The following ANAPC5 variants were observed in gnomAD, a reference collection of about 807,000 sequenced individuals.
ANAPC5 encodes the protein anaphase promoting complex subunit 5.
Under a neutral mutation model 91.3 loss-of-function variants are expected in ANAPC5, and 60 were observed. The ratio of observed to expected loss-of-function variants is 0.66; its 90% CI spans 0.53 to 0.81. The LOEUF (loss-of-function observed/expected upper bound fraction) is 0.81. Ranked by LOEUF, ANAPC5 falls within the 40% of genes least tolerant of loss-of-function variation. The probability of loss-of-function intolerance (pLI) is 0.00; values close to 1 mark genes in which losing one functional copy is unlikely to be tolerated. For synonymous variants in ANAPC5, 340 were observed against 364.1 expected (o/e 0.93, Z 0.75); for missense variants, 690 against 931.5 (o/e 0.74, Z 3.37).
chr12:121,345,749 G>A, intron 4 of ANAPC5, 90 bp downstream of exon 4: 1 of 1,319,714 alleles, frequency 7.6e-7, no homozygotes, highest in Non-Finnish European at 1.1e-6. Flanking sequence ...GCATAAGCCA[G>A]CACGTGAATT....
rs1363622180 is a variant in ANAPC5 at position 121,352,172 on chromosome 12, G to A, written c.169C>T (p.Arg57Trp). ...AGGAGCAGCTGGTTGAGCCTCCGCC[G>A]CTCCATGAGGCTGACGGCGCCCTCG... ...TGEGAVSLME[R>W]RRLNQLLLPL... The change falls in exon 1 of 17, where the codon CGG becomes TGG. Residue 57 changes from arginine (R) to tryptophan (W), a missense_variant. Coordinates refer to ENST00000261819, the MANE Select transcript of ANAPC5 (RefSeq NM_016237.5). 8 of 1,612,338 alleles carry A rather than the reference G, an allele frequency of 5.0e-6. No homozygotes were observed. Among genetic ancestry groups the A allele is most frequent in the Non-Finnish European group, 6.8e-6 (8 of 1,178,810 alleles).
At chr12:121,347,654 C>T (rs1903722761) in intron 2 of ANAPC5, 148 bp downstream of exon 2, 1 of 632,446 alleles carries the variant, frequency 1.6e-6, no homozygotes, top group African/African-American at 1.9e-5. Context: ...ATCCATTTTT[C>T]AACAAAACAG....
chr12:121,308,696 C>A lies in ANAPC5; in HGVS notation c.2057-5G>T, dbSNP rs770207933. On this transcript the variant is annotated splice_region_variant and splice_polypyrimidine_tract_variant and intron_variant, in intron 16 of 16. Transcript: ENST00000261819. ...TCTCGATGGCAGCCTCCAGAGCTGA[C>A]GGAAAGGGGAAAATAACACACACAT... 6.8e-6 allele frequency: 11 copies of A among 1,612,890 alleles called. No homozygotes were observed. Among genetic ancestry groups the A allele is most frequent in the Non-Finnish European group, 9.3e-6 (11 of 1,178,946 alleles).
At position 121,345,880 on chromosome 12, in the gene ANAPC5, A is replaced by G. The variant is rs782777339; in HGVS notation, c.549T>C (p.Gly183=). Residue 183 remains glycine, a synonymous_variant, in exon 4 of 17, where the codon GGT becomes GGC. Transcript: ENST00000261819. ...ADMELTSRDE[G]ERKMEKEELD... ...GTTCTTCTTTTTCCATTTTTCTTTC[A>G]CCCTCATCTCTACTGGTCAGTTCCA... 1 of 1,613,174 alleles carries G rather than the reference A, an allele frequency of 6.2e-7. No homozygotes were observed. The highest frequency in any genetic ancestry group is 2.2e-5 in the East Asian group (1 of 44,842).
At chr12:121,348,875 C>T (rs1903773927) in intron 1 of ANAPC5, among the ~76,000 whole-genome samples, 2 of 152,296 alleles carry the variant, frequency 1.3e-5, no homozygotes, top group South Asian at 2.1e-4. Flanking sequence ...TGAAGAAAAA[C>T]TGAAAGGAGC....
At chr12:121,328,782 T>G in intron 9 of ANAPC5, 1 of 295,408 alleles carries the variant, frequency 3.4e-6, no homozygotes, top group Non-Finnish European at 6.4e-6. Context: ...CTGTGTGACT[T>G]AGGGCCAGTC....
chr12:121,317,253 CTT>C lies in ANAPC5; in HGVS notation c.1893+1022_1893+1023del, dbSNP rs763895505. Among the ~76,000 whole-genome samples, 1,408 of 140,886 alleles carry C rather than the reference CTT, an allele frequency of 1.0e-2. 21 individuals carry two copies. Among genetic ancestry groups the C allele is most frequent in the African/African-American group, 0.034 (1,294 of 38,468 alleles). The allele number at this position is 140,886 out of a possible 152,430, so 92.4% of individuals were successfully genotyped here. On this transcript the variant is annotated intron_variant, in intron 15 of 16. Coordinates refer to ENST00000261819, the MANE Select transcript of ANAPC5 (RefSeq NM_016237.5). ...AAAGTGGTAAATCTTGTGTTACATA[CTT>C]TTTTTTTTTTTTTTTGAGATGGAGT...
chr12:121,325,330 GC>G (rs1309298626), intron 11 of ANAPC5, among the ~76,000 whole-genome samples: 1 of 152,060 alleles, frequency 6.6e-6, no homozygotes, highest in Non-Finnish European at 1.5e-5. Flanking sequence ...GGGAGTAGTG[GC>G]ACACACCTGT....
intron 1 of ANAPC5, among the ~76,000 whole-genome samples, chr12:121,350,084 G>A (rs1903825302): frequency 1.3e-5 from 2 of 152,058 alleles, no homozygotes; most frequent in Admixed American, 6.6e-5. Flanking sequence ...GACGTGGCTA[G>A]CCCTGGGAGC....
At chr12:121,346,542 T>C (rs139209777) in intron 3 of ANAPC5, 4 of 195,638 alleles carry the variant, frequency 2.0e-5, no homozygotes, top group Non-Finnish European at 4.1e-5. Flanking sequence ...TTGCATACTA[T>C]ATCAATAATG....
chr12:121,316,732 CAAAAAAAA>C (rs35989752), intron 15 of ANAPC5, among the ~76,000 whole-genome samples: 6 of 28,972 alleles, frequency 2.1e-4, no homozygotes, highest in Non-Finnish European at 4.1e-4. Context: ...GACTCTGTCT[CAAAAAAAA>C]AAAAAAAAAA....
At position 121,342,205 on chromosome 12, in the gene ANAPC5, A is replaced by G; in HGVS notation, c.591-136T>C. ...CTCTCCTCAGAACTAGGAAAGAAAA[A>G]CATAAAAAGTGATGTTGAGATCAAT... On this transcript the variant is annotated intron_variant, in intron 4 of 16. Transcript: ENST00000261819. This position sits in a 1 kb window ranked among gnomAD's most constrained non-coding sequence, Gnocchi z 4.1. 2 of 638,664 alleles carry G rather than the reference A, an allele frequency of 3.1e-6. No individual in the cohort carries two copies. Among genetic ancestry groups the G allele is most frequent in the Non-Finnish European group, 5.3e-6 (2 of 378,196 alleles). 39.6% of individuals were successfully genotyped at this position (638,664 alleles called of 1,614,324 possible). A position where few individuals can be genotyped will look rare whatever the true frequency, so the allele number is the denominator to read the frequency against.
chr12:121,321,258 A>G (rs1241523140), intron 11 of ANAPC5: 3 of 152,052 alleles, frequency 2.0e-5, no homozygotes, highest in Non-Finnish European at 4.4e-5. Context: ...TCAAAAAAAA[A>G]AATTTTTTTT....
At chr12:121,347,933 T>C (rs1289926792) in intron 1 of ANAPC5, 52 bp from the exon 2 acceptor site, 3 of 1,227,572 alleles carry the variant, frequency 2.4e-6, no homozygotes, top group African/African-American at 1.5e-5. Flanking sequence ...TGGAGACTGA[T>C]AAAGAATTGC....
Position 121,344,576 on chromosome 12 carries a change from G to T in ANAPC5, c.590+1263C>A, listed in dbSNP as rs573199151. On this transcript the variant is annotated intron_variant, in intron 4 of 16. Coordinates refer to ENST00000261819, the MANE Select transcript of ANAPC5 (RefSeq NM_016237.5). ...TCCAGGCTGGGTGACAGTGAGACTTGATCTCAAAAAAAAAAAAAAAAGAAA... is the reference window on the plus strand; with the variant it reads ...TCCAGGCTGGGTGACAGTGAGACTTTATCTCAAAAAAAAAAAAAAAAGAAA... Among the ~76,000 whole-genome samples the T allele has an allele frequency of 1.3e-3, 180 of 140,764 alleles. 2 individuals are homozygous for T. Among genetic ancestry groups the T allele is most frequent in the Admixed American group, 0.013 (175 of 13,694 alleles). The allele number at this position is 140,764 out of a possible 152,430, so 92.3% of individuals were successfully genotyped here. A position where few individuals can be genotyped will look rare whatever the true frequency, so the allele number is the denominator to read the frequency against.
At chr12:121,346,142 TAAGA>T (rs1384347804) in intron 3 of ANAPC5, 111 bp from the exon 4 acceptor site, 2 of 860,406 alleles carry the variant, frequency 2.3e-6, no homozygotes, top group Non-Finnish European at 3.6e-6. Context: ...TTCAGAAGAG[TAAGA>T]AAGAGACACT....
chr12:121,331,264 G>C (rs1903032584), intron 8 of ANAPC5, 83 bp downstream of exon 8: 5 of 1,248,018 alleles, frequency 4.0e-6, no homozygotes, highest in Non-Finnish European at 5.7e-6. Flanking sequence ...TGCTCCAACT[G>C]CAAAACAACC....
At chr12:121,336,809 G>A (rs1164300607) in intron 6 of ANAPC5, among the ~76,000 whole-genome samples, 6 of 152,222 alleles carry the variant, frequency 3.9e-5, no homozygotes, top group African/African-American at 1.2e-4. Context: ...CCTATGGCCC[G>A]AGGAGGGAGG....
intron 11 of ANAPC5, among the ~76,000 whole-genome samples, 159 bp downstream of exon 11, chr12:121,326,937 C>T (rs372139978): frequency 2.0e-5 from 3 of 152,324 alleles, no homozygotes; most frequent in African/African-American, 7.2e-5. Context: ...TTGCAGACTC[C>T]ACCCTTGGTC....
Sources: allele counts gnomAD v4.1 joint callset (sites outside exome capture counted in the v4.1 genomes callset), GRCh38; gene constraint gnomAD v4.1.1; non-coding constraint Gnocchi (gnomAD v3.1); transcripts MANE v1.5; gene names NCBI Gene and HGNC (gene_info 2026-07-23, HGNC 2026-07-21).